ECM2: variants seen among roughly 807,000 people sequenced by gnomAD.
The protein encoded by ECM2 is extracellular matrix protein 2.
A neutral mutation model predicts 67.5 loss-of-function variants in ECM2; 57 were observed. The ratio of observed to expected loss-of-function variants is 0.84; its 90% CI spans 0.68 to 1.05. ECM2 has a LOEUF of 1.05. ECM2 is among the 50% of genes least tolerant of loss of function. The pLI is 0.00. For synonymous variants in ECM2, 258 were observed against 294.5 expected, an observed-to-expected ratio of 0.88 and a Z score of 1.27; for missense variants, 741 against 822.8, an observed-to-expected ratio of 0.90 and a Z score of 1.22.
At chr9:92,500,301 G>A (rs944014664) in intron 9 of ECM2, among the ~76,000 whole-genome samples, 5 of 152,090 alleles carry the variant, frequency 3.3e-5, no homozygotes, top group African/African-American at 1.2e-4. Context: ...TCCCACCTCA[G>A]CCTCCTGAGT....
the ECM2 span, among the ~76,000 whole-genome samples, chr9:92,554,811 G>T: frequency 2.5e-4 from 38 of 151,048 alleles, no homozygotes; most frequent in African/African-American, 9.0e-4. Context: ...CTTATTTTTG[G>T]TTTTTTAGTA....
At chr9:92,533,328 A>AAT (rs202147064) in intron 1 of ECM2, among the ~76,000 whole-genome samples, 2,272 of 38,294 alleles carry the variant, frequency 0.059, 120 homozygotes, top group African/African-American at 0.076. Flanking sequence ...AAAAAAAAAA[A>AAT]ATATATATAT....
At chr9:92,528,002 A>G (rs888663648) in intron 1 of ECM2, 3 of 152,538 alleles carry the variant, frequency 2.0e-5, no homozygotes, top group Non-Finnish European at 1.5e-5. Context: ...AGCGACCATG[A>G]TGTAACTTCA....
intron 1 of ECM2, among the ~76,000 whole-genome samples, chr9:92,526,188 C>G (rs1373384443): frequency 2.0e-5 from 3 of 151,862 alleles, no homozygotes; most frequent in Admixed American, 2.0e-4. Flanking sequence ...TGATCCAGAC[C>G]CAATGAAGGC....
upstream of ECM2, among the ~76,000 whole-genome samples, chr9:92,538,016 C>T (rs940413987): frequency 6.6e-6 from 1 of 151,994 alleles, no homozygotes. Context: ...GTAGGGAAAA[C>T]AGAAACTCTC....
At chr9:92,515,307 A>G in intron 3 of ECM2, 104 bp from the exon 4 acceptor site, 1 of 1,299,744 alleles carries the variant, frequency 7.7e-7, no homozygotes, top group South Asian at 2.7e-5. Context: ...CCCTCCAAGT[A>G]TTTGAGTGCA....
At chr9:92,517,481 T>C (rs1847799787) in intron 3 of ECM2, 2 of 667,602 alleles carry the variant, frequency 3.0e-6, no homozygotes, top group Non-Finnish European at 5.0e-6. Flanking sequence ...CTGATAGAGC[T>C]AGAACTATAA....
At chr9:92,549,894 CAAAGT>C in the ECM2 span, among the ~76,000 whole-genome samples, 1 of 152,116 alleles carries the variant, frequency 6.6e-6, no homozygotes, top group Non-Finnish European at 1.5e-5. Flanking sequence ...CCAATGTGGA[CAAAGT>C]ACAGTACAGT....
At chr9:92,558,834 T>A in the ECM2 span, among the ~76,000 whole-genome samples, 1 of 151,888 alleles carries the variant, frequency 6.6e-6, no homozygotes, top group South Asian at 2.1e-4. Context: ...TGGGGTGAGA[T>A]TCCCAGGTCA....
At chr9:92,550,431 G>A in the ECM2 span, among the ~76,000 whole-genome samples, 11 of 152,198 alleles carry the variant, frequency 7.2e-5, no homozygotes, top group African/African-American at 2.6e-4. Flanking sequence ...GATGCTGGGT[G>A]CTGAAGTCTT....
At chr9:92,559,086 C>T in the ECM2 span, among the ~76,000 whole-genome samples, 9 of 152,298 alleles carry the variant, frequency 5.9e-5, no homozygotes, top group East Asian at 5.8e-4. Flanking sequence ...GCTCTTCCCC[C>T]GCCTCTGAAG....
chr9:92,518,090 A>G (rs971799868), intron 2 of ECM2, among the ~76,000 whole-genome samples: 11 of 152,330 alleles, frequency 7.2e-5, no homozygotes, highest in African/African-American at 2.4e-4. Flanking sequence ...AGGCTCTAAG[A>G]GTGAACTCCT....
chr9:92,515,131 C>A lies in ECM2; in HGVS notation c.554G>T (p.Arg185Ile). 1 of 1,612,890 alleles carries A rather than the reference C, an allele frequency of 6.2e-7. No individual in the cohort carries two copies. ...CTTATGAAGTAAATTGGTAGGTTCT[C>A]TTTGTTCTGAAGAATCACCAGAAAA... ...NEFSGDSSEQREPTNLLHKQL... is the reference protein window; with the variant it reads ...NEFSGDSSEQIEPTNLLHKQL... Residue 185 changes from arginine (R) to isoleucine (I), a missense_variant, in exon 4 of 10, where the codon AGA (arginine) becomes ATA (isoleucine). Coordinates refer to ENST00000344604, the MANE Select transcript of ECM2 (RefSeq NM_001393.4).
At chr9:92,540,749 C>T (rs559559921), upstream of ECM2, among the ~76,000 whole-genome samples, 27 of 147,234 alleles carry the variant, frequency 1.8e-4, no homozygotes, top group Admixed American at 4.7e-4. Context: ...CTAGCCTGGG[C>T]AACAGAGCAC....
intron 1 of ECM2, among the ~76,000 whole-genome samples, chr9:92,529,794 G>A (rs1206212913): frequency 6.6e-6 from 1 of 152,154 alleles, no homozygotes; most frequent in African/African-American, 2.4e-5. Flanking sequence ...AGTGAATTTG[G>A]GGCGGAGAGG....
the ECM2 span, among the ~76,000 whole-genome samples, chr9:92,558,370 G>A: frequency 1.3e-5 from 2 of 152,194 alleles, no homozygotes; most frequent in African/African-American, 2.4e-5. Flanking sequence ...TCCTATGGAT[G>A]TGGCTTCCTG....
chr9:92,495,723 A>C lies in ECM2; in HGVS notation c.*592T>G. ...TGTACATAACCATAATATGATTTTC[A>C]AAACCAGGAAATTAACATTACAGTA... is the stretch of plus-strand genomic sequence containing the variant. On this transcript the variant is annotated 3_prime_UTR_variant, in exon 10 of 10. Coordinates refer to ENST00000344604, the MANE Select transcript of ECM2 (RefSeq NM_001393.4). The C allele has an allele frequency of 1.1e-6, 1 of 925,874 alleles. No individual in the cohort carries two copies. Among genetic ancestry groups the C allele is most frequent in the African/African-American group, 1.8e-5 (1 of 56,020 alleles). 57.4% of individuals were successfully genotyped at this position (925,874 alleles called of 1,614,324 possible). A position where few individuals can be genotyped will look rare whatever the true frequency, so the allele number is the denominator to read the frequency against.
chr9:92,499,640 T>C (rs1846554647), intron 9 of ECM2, among the ~76,000 whole-genome samples: 1 of 152,224 alleles, frequency 6.6e-6, no homozygotes, highest in Non-Finnish European at 1.5e-5. Context: ...ACCTGTGAAG[T>C]ATTTTTGCCA....
At chr9:92,517,901 T>TA in intron 2 of ECM2, 26 bp from the exon 3 acceptor site, 1 of 1,612,946 alleles carries the variant, frequency 6.2e-7, no homozygotes, top group South Asian at 1.1e-5. Context: ...AGCACAAATT[T>TA]AAATTTCTTA....
Sources: allele counts gnomAD v4.1 joint callset (sites outside exome capture counted in the v4.1 genomes callset), GRCh38; gene constraint gnomAD v4.1.1; transcripts MANE v1.5; gene names NCBI Gene and HGNC (gene_info 2026-07-23, HGNC 2026-07-21).